Variants in PTPRN2 observed in about 807,000 individuals in gnomAD.
PTPRN2 encodes the protein protein tyrosine phosphatase receptor type N2, also known as receptor-type tyrosine-protein phosphatase N2.
In PTPRN2, 74 loss-of-function variants were observed where a neutral mutation model predicts 118.8. That is an observed-to-expected ratio of 0.62 (90% CI 0.52 to 0.76). The LOEUF (loss-of-function observed/expected upper bound fraction) is 0.76, where lower values mean the gene tolerates loss of function less well. Among genes scored for constraint, PTPRN2 ranks in the 30% least tolerant of loss-of-function variants. The pLI, the probability that PTPRN2 is intolerant of heterozygous loss-of-function variation, is 0.00. For synonymous variants in PTPRN2, 641 were observed against 608.0 expected (o/e 1.05, Z -0.80); for missense variants, 1,481 against 1,394.4 (o/e 1.06, Z -0.99).
intron 12 of PTPRN2, among the ~76,000 whole-genome samples, chr7:157,684,635 C>T (rs1797083049): frequency 6.7e-6 from 1 of 149,464 alleles, no homozygotes; most frequent in African/African-American, 2.4e-5. Flanking sequence ...CAGCCTCTTC[C>T]AGAAAGAAGT....
intron 11 of PTPRN2, among the ~76,000 whole-genome samples, chr7:157,988,084 T>C (rs1803946058): frequency 6.6e-6 from 1 of 152,190 alleles, no homozygotes; most frequent in African/African-American, 2.4e-5. Context: ...CAAAGCTGCC[T>C]CATGCAGACG....
At chr7:157,883,006 C>G (rs1225553297) in intron 12 of PTPRN2, among the ~76,000 whole-genome samples, 2 of 149,432 alleles carry the variant, frequency 1.3e-5, no homozygotes, top group Non-Finnish European at 3.0e-5. Flanking sequence ...AAATGACTGT[C>G]AGAGAACAGA....
At chr7:158,053,119 C>T (rs897686568) in intron 11 of PTPRN2, among the ~76,000 whole-genome samples, 1 of 152,198 alleles carries the variant, frequency 6.6e-6, no homozygotes, top group Non-Finnish European at 1.5e-5. Flanking sequence ...AATTTCAAGT[C>T]ATGTCAATAA....
At chr7:158,144,830 C>G (rs201336401) in intron 6 of PTPRN2, among the ~76,000 whole-genome samples, 1 of 152,184 alleles carries the variant, frequency 6.6e-6, no homozygotes, top group South Asian at 2.1e-4. Context: ...TGTGTCGACC[C>G]ACCCTGAACT....
chr7:158,158,482 T>G (rs989790240), intron 6 of PTPRN2, among the ~76,000 whole-genome samples: 1 of 90,096 alleles, frequency 1.1e-5, no homozygotes, highest in Non-Finnish European at 2.7e-5. Context: ...GGGAGAGAAC[T>G]GGGAGCGGAG....
chr7:158,393,294 A>T (rs1370123704), intron 2 of PTPRN2, among the ~76,000 whole-genome samples: 1 of 152,240 alleles, frequency 6.6e-6, no homozygotes, highest in Non-Finnish European at 1.5e-5. Context: ...AAATTTAGAA[A>T]GGTCAAGTGT....
At chr7:158,179,384 G>T (rs931482256) in intron 5 of PTPRN2, among the ~76,000 whole-genome samples, 8 of 151,938 alleles carry the variant, frequency 5.3e-5, no homozygotes, top group Non-Finnish European at 1.2e-4. Flanking sequence ...TGAGTTCCTT[G>T]TAGATTCTGG....
In PTPRN2 at chr7:158,139,620, C is replaced by A. The variant is rs1022883563; in HGVS notation, c.911-1105G>T. ...CACGATAATAAAATGCAAGGAGAAC[C>A]ACGCCATGACTTCAGCTGAGCTACT... On this transcript the variant is annotated intron_variant, in intron 6 of 22. Coordinates refer to ENST00000389418, the MANE Select transcript of PTPRN2 (RefSeq NM_002847.5). Among the ~76,000 whole-genome samples, 2 of 151,932 alleles carry A rather than the reference C, an allele frequency of 1.3e-5. 1 individual carries two copies. Among genetic ancestry groups the A allele is most frequent in the Admixed American group, 1.3e-4 (2 of 15,254 alleles).
At chr7:158,256,557 G>A (rs906664796) in intron 3 of PTPRN2, among the ~76,000 whole-genome samples, 3 of 152,182 alleles carry the variant, frequency 2.0e-5, no homozygotes, top group African/African-American at 7.2e-5. Flanking sequence ...GAAAGGTGGT[G>A]GAGGAGACAG....
chr7:158,035,574 C>A (rs538960266), intron 11 of PTPRN2, among the ~76,000 whole-genome samples: 8 of 152,200 alleles, frequency 5.3e-5, no homozygotes, highest in African/African-American at 1.9e-4. Context: ...ACTGTGCATA[C>A]CTGCCCTGCA....
chr7:158,404,740 T>G (rs1248179901), intron 2 of PTPRN2, among the ~76,000 whole-genome samples: 1 of 30,114 alleles, frequency 3.3e-5, no homozygotes, highest in Non-Finnish European at 6.4e-5. Flanking sequence ...CCCCCAGCTC[T>G]CCGGCTTCCA....
chr7:158,308,609 TGACAGA>T (rs1307781925), intron 3 of PTPRN2, among the ~76,000 whole-genome samples: 2 of 150,538 alleles, frequency 1.3e-5, no homozygotes, highest in Non-Finnish European at 3.0e-5. Flanking sequence ...AGAGAAAAAA[TGACAGA>T]GAGTGTTTGA....
intron 11 of PTPRN2, among the ~76,000 whole-genome samples, chr7:158,019,507 G>A (rs1048872100): frequency 3.3e-5 from 5 of 152,154 alleles, no homozygotes; most frequent in Admixed American, 6.5e-5. Flanking sequence ...ACAAGGCCTC[G>A]TGATTAACTG....
chr7:157,689,606 C>T (rs937233835), intron 12 of PTPRN2, among the ~76,000 whole-genome samples: 1 of 152,222 alleles, frequency 6.6e-6, no homozygotes, highest in Non-Finnish European at 1.5e-5. Context: ...TCTCTAAAAC[C>T]ACGGAGCAGG....
In PTPRN2 at chr7:157,656,388, T is replaced by C. The variant is rs1291686107; in HGVS notation, c.2165A>G (p.Asn722Ser). 1.3e-6 allele frequency: 2 copies of C among 1,552,400 alleles called. No homozygotes were observed. The highest frequency in any genetic ancestry group is 2.4e-5 in the South Asian group (2 of 84,132). Residue 722 changes from asparagine (N) to serine (S), a missense_variant, in exon 14 of 23, where the codon AAC becomes AGC. Asn to Ser is a conservative substitution (Grantham distance 46, BLOSUM62 1). Around this residue, in one of 3 missense-constraint regions of PTPRN2, gnomAD observed 1,115 missense variants for 994.2 expected, o/e 1.12. Transcript: ENST00000389418. ...SSWSEEPVQS[N>S]MDISTGHMIL... ...CATGTGGCCGGTGGAGATGTCCATG[T>C]TGGACTGCACAGGCTCCTCGGACCA...
intron 12 of PTPRN2, among the ~76,000 whole-genome samples, chr7:157,851,045 G>A (rs1809242552): frequency 6.6e-6 from 1 of 152,216 alleles, no homozygotes; most frequent in African/African-American, 2.4e-5. Flanking sequence ...GAGGTACCGT[G>A]CAGAGCCTGC....
intron 2 of PTPRN2, among the ~76,000 whole-genome samples, chr7:158,367,969 C>T (rs1252230427): frequency 6.6e-6 from 1 of 152,214 alleles, no homozygotes; most frequent in Non-Finnish European, 1.5e-5. Context: ...ACACCAAATT[C>T]CTGAGTTTGA....
chr7:158,350,290 C>T (rs897634595), intron 2 of PTPRN2, among the ~76,000 whole-genome samples: 1 of 152,200 alleles, frequency 6.6e-6, no homozygotes, highest in Admixed American at 6.5e-5. Flanking sequence ...GAACAAACTC[C>T]ACTGAAACAG....
intron 3 of PTPRN2, among the ~76,000 whole-genome samples, chr7:158,271,080 G>A (rs556277631): frequency 5.2e-3 from 219 of 42,096 alleles, no homozygotes; most frequent in African/African-American, 0.019. Flanking sequence ...CCACCTGGAC[G>A]ACCCCCTCCA....
Sources: allele counts gnomAD v4.1 joint callset (sites outside exome capture counted in the v4.1 genomes callset), GRCh38; gene constraint gnomAD v4.1.1; regional missense constraint gnomAD v4.1.1; transcripts MANE v1.5; gene names NCBI Gene and HGNC (gene_info 2026-07-23, HGNC 2026-07-21).